The following TNIK variants were observed in gnomAD, a reference collection of about 807,000 sequenced individuals.
TNIK encodes TRAF2 and NCK-interacting protein kinase.
Under a neutral mutation model 191.3 loss-of-function variants are expected in TNIK, and 49 were observed. That is an observed-to-expected ratio of 0.26 (90% CI 0.20 to 0.32). The LOEUF (loss-of-function observed/expected upper bound fraction) is 0.32. TNIK is among the 10% of genes least tolerant of loss of function. TNIK has a pLI of 1.00. For synonymous variants in TNIK, 594 were observed against 600.9 expected (o/e 0.99, Z 0.17); for missense variants, 1,155 against 1,702.3 (o/e 0.68, Z 5.66).
chr3:171,398,542 C>T (rs1262876317), intron 1 of TNIK, among the ~76,000 whole-genome samples: 2 of 152,188 alleles, frequency 1.3e-5, no homozygotes, highest in African/African-American at 4.8e-5. Flanking sequence ...CAGCCCTTCA[C>T]AATTTGTACC....
At chr3:171,116,569 C>G (rs1319177855) in intron 18 of TNIK, among the ~76,000 whole-genome samples, 1 of 152,150 alleles carries the variant, frequency 6.6e-6, no homozygotes, top group East Asian at 1.9e-4. Flanking sequence ...TGGCCAACTG[C>G]CAAATTTCAC....
At chr3:171,347,345 A>G (rs1343945570) in intron 2 of TNIK, 2 of 929,438 alleles carry the variant, frequency 2.2e-6, no homozygotes, top group Non-Finnish European at 3.2e-6. Context: ...CCTGGTATAC[A>G]AGTCCTAAGT....
At chr3:171,201,466 A>T (rs1739395606) in intron 4 of TNIK, among the ~76,000 whole-genome samples, 1 of 152,110 alleles carries the variant, frequency 6.6e-6, no homozygotes, top group Non-Finnish European at 1.5e-5. Context: ...CAAGAACACA[A>T]TTCTGCAAAG....
At chr3:171,093,724 C>T in intron 23 of TNIK, 115 bp downstream of exon 23, 1 of 1,363,686 alleles carries the variant, frequency 7.3e-7, no homozygotes, top group South Asian at 1.5e-5. Context: ...GTCCTCCCTC[C>T]CCCAAGAATT....
intron 15 of TNIK, among the ~76,000 whole-genome samples, chr3:171,136,538 T>A (rs1729997247): frequency 6.6e-6 from 1 of 152,192 alleles, no homozygotes. Context: ...CCAAGTCTAA[T>A]AGGACAAGCT....
At chr3:171,096,550 T>C (rs16855805) in intron 22 of TNIK, among the ~76,000 whole-genome samples, 16,102 of 152,174 alleles carry the variant, frequency 0.11, 1,007 homozygotes, top group Middle Eastern at 0.16. Flanking sequence ...GTTTCCTATG[T>C]ACATTATGCT....
At chr3:171,297,265 T>C (rs1368215076) in intron 2 of TNIK, among the ~76,000 whole-genome samples, 2 of 152,176 alleles carry the variant, frequency 1.3e-5, no homozygotes, top group African/African-American at 4.8e-5. Flanking sequence ...CCATTGACTC[T>C]TCAAAACACA....
At chr3:171,251,468 C>A (rs1191843676) in intron 2 of TNIK, among the ~76,000 whole-genome samples, 1 of 152,160 alleles carries the variant, frequency 6.6e-6, no homozygotes. Context: ...AACCTTCCTG[C>A]CACAGTCTTG....
At chr3:171,252,356 T>C (rs1199761637) in intron 2 of TNIK, among the ~76,000 whole-genome samples, 1 of 152,160 alleles carries the variant, frequency 6.6e-6, no homozygotes, top group African/African-American at 2.4e-5. Context: ...GGGCAGCCGA[T>C]GAAAATTAAC....
intron 11 of TNIK, among the ~76,000 whole-genome samples, chr3:171,158,341 T>C (rs1057285122): frequency 6.6e-6 from 1 of 152,222 alleles, no homozygotes; most frequent in Non-Finnish European, 1.5e-5. Flanking sequence ...AGATTCTGTT[T>C]AGGTAACAGT....
chr3:171,235,889 G>T (rs532319913), intron 2 of TNIK, among the ~76,000 whole-genome samples: 138 of 152,082 alleles, frequency 9.1e-4, no homozygotes, highest in Non-Finnish European at 1.5e-3. Context: ...ACACAAAAAA[G>T]GTTCTTGATG....
intron 2 of TNIK, among the ~76,000 whole-genome samples, chr3:171,318,765 A>C (rs984045965): frequency 6.6e-6 from 1 of 152,204 alleles, no homozygotes; most frequent in African/African-American, 2.4e-5. Flanking sequence ...TCTTAGTTTA[A>C]GCACTAATGA....
At chr3:171,387,557 G>A (rs182843234) in intron 1 of TNIK, among the ~76,000 whole-genome samples, 2 of 152,202 alleles carry the variant, frequency 1.3e-5, no homozygotes, top group South Asian at 2.1e-4. Context: ...ATACTCAAAT[G>A]CTTTTATGAG....
intron 2 of TNIK, among the ~76,000 whole-genome samples, chr3:171,361,860 T>C (rs1715025995): frequency 6.6e-6 from 1 of 152,178 alleles, no homozygotes; most frequent in Non-Finnish European, 1.5e-5. Context: ...TCATGGGTTA[T>C]ATCATGAAAA....
chr3:171,328,523 C>T (rs746462429), intron 2 of TNIK, among the ~76,000 whole-genome samples: 9 of 152,108 alleles, frequency 5.9e-5, no homozygotes, highest in Non-Finnish European at 1.2e-4. Context: ...TAATCCTTAC[C>T]AAATTATTTT....
At chr3:171,090,340 C>G (rs748348016) in intron 23 of TNIK, among the ~76,000 whole-genome samples, 1 of 152,112 alleles carries the variant, frequency 6.6e-6, no homozygotes, top group East Asian at 1.9e-4. Context: ...CATGAAATAC[C>G]CTAAATCTTC....
intron 2 of TNIK, among the ~76,000 whole-genome samples, chr3:171,233,464 C>G (rs1255174120): frequency 6.6e-6 from 1 of 152,058 alleles, no homozygotes; most frequent in East Asian, 1.9e-4. Flanking sequence ...ATCTATCTAT[C>G]ATCTGTGTAT....
intron 12 of TNIK, among the ~76,000 whole-genome samples, chr3:171,149,890 A>T (rs1001878841): frequency 6.6e-6 from 1 of 152,220 alleles, no homozygotes; most frequent in African/African-American, 2.4e-5. Context: ...TGCTCACAGG[A>T]CACACTGGGA....
Position 171,165,027 on chromosome 3 carries a change from C to A in TNIK, c.949+2068G>T, listed in dbSNP as rs1168945329. On this transcript the variant is annotated intron_variant, in intron 10 of 32. Coordinates refer to ENST00000436636, the MANE Select transcript of TNIK (RefSeq NM_015028.4). ...CTGGGGCTGGGTTTGGTGGCCCATGCCTATAATACCAGCACTTTGGGAGGC... is the reference window on the plus strand; with the variant it reads ...CTGGGGCTGGGTTTGGTGGCCCATGACTATAATACCAGCACTTTGGGAGGC... 2.0e-5 allele frequency among the ~76,000 whole-genome samples: 3 copies of A among 152,308 alleles called. No individual in the cohort carries two copies. The East Asian group carries it at 5.8e-4, about 29-fold the overall frequency.
Sources: gnomAD v4.1 joint callset for allele counts (sites outside exome capture counted in the v4.1 genomes callset) on GRCh38, gnomAD v4.1.1 for gene constraint, MANE v1.5 for transcripts, NCBI Gene and HGNC (gene_info 2026-07-23, HGNC 2026-07-21) for gene names.